Variants in DKK2 observed in about 807,000 individuals in gnomAD.
DKK2 encodes the protein dickkopf-related protein 2.
Under a neutral mutation model 28.1 loss-of-function variants are expected in DKK2, and 11 were observed. The ratio of observed to expected loss-of-function variants is 0.39; its 90% confidence interval spans 0.25 to 0.65. The LOEUF (loss-of-function observed/expected upper bound fraction) is 0.65. Among genes scored for constraint, DKK2 ranks in the 30% least tolerant of loss-of-function variants. DKK2 has a pLI of 0.47. For synonymous variants in DKK2, 135 were observed against 126.5 expected (o/e 1.07, Z -0.45); for missense variants, 326 against 335.5 (o/e 0.97, Z 0.22).
At chr4:106,936,816 A>G (rs1232964084) in intron 1 of DKK2, among the ~76,000 whole-genome samples, 1 of 151,898 alleles carries the variant, frequency 6.6e-6, no homozygotes, top group African/African-American at 2.4e-5. Context: ...AATATTCAAC[A>G]TTCTTAAAGA....
chr4:107,018,333 A>G lies in DKK2; in HGVS notation c.222+17037T>C, dbSNP rs1009665166. Among the ~76,000 whole-genome samples the G allele has an allele frequency of 7.9e-5, 12 of 152,202 alleles. No individual in the cohort carries two copies. The East Asian group carries it at 1.9e-3, about 25-fold the overall frequency. The stretch of plus-strand genomic sequence containing the variant: ...GGGCTGGCCAGAGCTGCAGAACATC[A>G]TCTGCTCAGCACATGAAATGCCAGT... On this transcript the variant is annotated intron_variant, in intron 1 of 3. Transcript: ENST00000285311.
At chr4:106,976,852 G>T (rs1275968302) in intron 1 of DKK2, among the ~76,000 whole-genome samples, 2 of 152,104 alleles carry the variant, frequency 1.3e-5, no homozygotes, top group Non-Finnish European at 2.9e-5. Flanking sequence ...TTTACAATTT[G>T]GTATGTTTTT....
intron 1 of DKK2, among the ~76,000 whole-genome samples, chr4:106,995,746 G>A (rs1199809149): frequency 1.3e-5 from 2 of 152,112 alleles, no homozygotes; most frequent in African/African-American, 2.4e-5. Context: ...CCAAGTAGCT[G>A]GGACTACAAG....
At chr4:107,010,940 A>G (rs1723508587) in intron 1 of DKK2, among the ~76,000 whole-genome samples, 1 of 151,474 alleles carries the variant, frequency 6.6e-6, no homozygotes, top group African/African-American at 2.4e-5. Context: ...GCGAAGCATG[A>G]TGGCATTGTT....
At chr4:106,938,576 A>G (rs921150470) in intron 1 of DKK2, among the ~76,000 whole-genome samples, 1 of 152,226 alleles carries the variant, frequency 6.6e-6, no homozygotes, top group Non-Finnish European at 1.5e-5. Flanking sequence ...ATTCCAATCA[A>G]TAGAAAAAGA....
intron 1 of DKK2, among the ~76,000 whole-genome samples, chr4:107,010,063 T>C (rs1323905687): frequency 6.6e-6 from 1 of 151,584 alleles, no homozygotes; most frequent in East Asian, 1.9e-4. Flanking sequence ...ATATTAGCTG[T>C]TTTTTACACT....
At chr4:106,998,775 TAA>T (rs1167307524) in intron 1 of DKK2, among the ~76,000 whole-genome samples, 1 of 152,050 alleles carries the variant, frequency 6.6e-6, no homozygotes, top group Non-Finnish European at 1.5e-5. Context: ...ATAGAAAAAA[TAA>T]AAGAGTACCT....
At chr4:106,994,516 C>T (rs1018113426) in intron 1 of DKK2, among the ~76,000 whole-genome samples, 11 of 151,174 alleles carry the variant, frequency 7.3e-5, no homozygotes, top group Non-Finnish European at 1.2e-4. Context: ...CACACACACA[C>T]ACATAGGACA....
chr4:106,928,083 A>C (rs530335198), intron 1 of DKK2, among the ~76,000 whole-genome samples: 3 of 152,282 alleles, frequency 2.0e-5, no homozygotes, highest in Non-Finnish European at 4.4e-5. Flanking sequence ...CTGCCAAAAA[A>C]TTGTGAATGG....
intron 1 of DKK2, among the ~76,000 whole-genome samples, chr4:107,005,564 A>T (rs1453113452): frequency 6.6e-6 from 1 of 152,044 alleles, no homozygotes; most frequent in African/African-American, 2.4e-5. Context: ...GTGCTCCGAC[A>T]TCATTATATT....
At chr4:106,937,612 C>G (rs1367238498) in intron 1 of DKK2, among the ~76,000 whole-genome samples, 1 of 151,976 alleles carries the variant, frequency 6.6e-6, no homozygotes, top group East Asian at 1.9e-4. Context: ...CTTCACCAAG[C>G]GGACCTAATA....
chr4:106,995,383 TTTG>T (rs1723256777), intron 1 of DKK2, among the ~76,000 whole-genome samples: 1 of 152,206 alleles, frequency 6.6e-6, no homozygotes. Flanking sequence ...TTGTCTTAGT[TTTG>T]TTTTCATTTT....
At chr4:106,947,784 C>A (rs1227012787) in intron 1 of DKK2, among the ~76,000 whole-genome samples, 2 of 151,752 alleles carry the variant, frequency 1.3e-5, no homozygotes, top group African/African-American at 4.8e-5. Flanking sequence ...AAGCAATCCT[C>A]CCCTCTCAGT....
At chr4:107,028,099 C>A (rs77258488) in intron 1 of DKK2, among the ~76,000 whole-genome samples, 1 of 152,150 alleles carries the variant, frequency 6.6e-6, no homozygotes, top group Non-Finnish European at 1.5e-5. Flanking sequence ...CATGCTCTTT[C>A]CACAATTCCA....
chr4:107,006,715 G>A (rs1311803118), intron 1 of DKK2, among the ~76,000 whole-genome samples: 1 of 152,168 alleles, frequency 6.6e-6, no homozygotes, highest in South Asian at 2.1e-4. Flanking sequence ...CAAGTGAAAA[G>A]GCAGCTGAGA....
At chr4:106,987,522 A>G (rs1382801291) in intron 1 of DKK2, among the ~76,000 whole-genome samples, 1 of 152,228 alleles carries the variant, frequency 6.6e-6, no homozygotes, top group Admixed American at 6.5e-5. Context: ...CAATCAGGAC[A>G]TCCTGCTTTC....
intron 1 of DKK2, among the ~76,000 whole-genome samples, chr4:106,995,340 C>T (rs1027821330): frequency 2.0e-5 from 3 of 151,930 alleles, no homozygotes; most frequent in African/African-American, 4.8e-5. Context: ...AAATTAAAAC[C>T]GTATCTCAGA....
rs1373402067 is a variant in DKK2 at position 106,938,602 on chromosome 4, C to T, written c.223-12653G>A. Reference sequence around the variant, plus strand: ...TAGAAAAAGAGGGAATCCTCCCTAACTCTTTTTATGAGGCCAGCATCATTC... The same window carrying T: ...TAGAAAAAGAGGGAATCCTCCCTAATTCTTTTTATGAGGCCAGCATCATTC... On this transcript the variant is annotated intron_variant, in intron 1 of 3. Transcript: ENST00000285311. 3.3e-5 allele frequency among the ~76,000 whole-genome samples: 5 copies of T among 152,200 alleles called. No individual in the cohort carries two copies. In the East Asian group the frequency reaches 9.6e-4, roughly 29 times the overall value.
chr4:106,960,535 T>C (rs1722671573), intron 1 of DKK2, among the ~76,000 whole-genome samples: 1 of 152,054 alleles, frequency 6.6e-6, no homozygotes, highest in African/African-American at 2.4e-5. Flanking sequence ...AATTTATCCA[T>C]ATAACCAAAA....
Sources: gnomAD v4.1 joint callset for allele counts (sites outside exome capture counted in the v4.1 genomes callset) on GRCh38, gnomAD v4.1.1 for gene constraint, MANE v1.5 for transcripts, NCBI Gene and HGNC (gene_info 2026-07-23, HGNC 2026-07-21) for gene names.